The following ARID1B variants were observed in gnomAD, a reference collection of about 807,000 sequenced individuals.
ARID1B encodes AT-rich interaction domain 1B, also known as AT-rich interactive domain-containing protein 1B.
In ARID1B, 30 loss-of-function variants were observed where a neutral mutation model predicts 212.3. The observed-to-expected ratio is 0.14, with a 90% confidence interval of 0.11 to 0.19. ARID1B has a LOEUF of 0.19. Among genes scored for constraint, ARID1B ranks in the 10% least tolerant of loss-of-function variants. The pLI is 1.00. For synonymous variants in ARID1B, 1,402 were observed against 1,301.7 expected, an observed-to-expected ratio of 1.08 and a Z score of -1.66; for missense variants, 2,891 against 3,204.0, an observed-to-expected ratio of 0.90 and a Z score of 2.36.
intron 4 of ARID1B, among the ~76,000 whole-genome samples, chr6:156,966,383 T>TTC (rs1167174974): frequency 9.0e-5 from 8 of 88,490 alleles, no homozygotes; most frequent in African/African-American, 4.3e-4. Flanking sequence ...TTTCTTTTCT[T>TTC]TTCTTTTTTT....
At chr6:156,932,949 A>G (rs78477709) in intron 3 of ARID1B, among the ~76,000 whole-genome samples, 7,625 of 152,270 alleles carry the variant, frequency 0.05, 628 homozygotes, top group African/African-American at 0.17. Flanking sequence ...TAGGAATAGT[A>G]TTTGAGATTT....
chr6:157,048,823 A>G (rs1446610243), intron 4 of ARID1B, among the ~76,000 whole-genome samples: 5 of 152,224 alleles, frequency 3.3e-5, no homozygotes, highest in Non-Finnish European at 7.3e-5. Flanking sequence ...TAGCCACAGC[A>G]GAGCATCCAT....
At chr6:157,105,257 G>A (rs1786373230) in intron 5 of ARID1B, among the ~76,000 whole-genome samples, 1 of 152,052 alleles carries the variant, frequency 6.6e-6, no homozygotes, top group Non-Finnish European at 1.5e-5. Context: ...TTGGTGTAGA[G>A]AGAATAGCTT....
At chr6:157,022,130 A>T in intron 4 of ARID1B, among the ~76,000 whole-genome samples, 1 of 148,326 alleles carries the variant, frequency 6.7e-6, no homozygotes, top group East Asian at 2.0e-4. Flanking sequence ...GCCGCCAAGA[A>T]CAGGGCGGGG....
chr6:156,909,873 C>T (rs1172860659), intron 3 of ARID1B, among the ~76,000 whole-genome samples: 1 of 152,212 alleles, frequency 6.6e-6, no homozygotes, highest in Non-Finnish European at 1.5e-5. Flanking sequence ...AGCGAAGAGC[C>T]TCTAGGTGGT....
intron 4 of ARID1B, among the ~76,000 whole-genome samples, chr6:157,046,336 G>A (rs974660716): frequency 2.0e-5 from 3 of 152,184 alleles, no homozygotes; most frequent in African/African-American, 7.2e-5. Flanking sequence ...TGGCTGATGA[G>A]GAGTTACTTG....
intron 2 of ARID1B, among the ~76,000 whole-genome samples, chr6:156,871,366 G>C (rs1786113898): frequency 6.6e-6 from 1 of 152,216 alleles, no homozygotes; most frequent in African/African-American, 2.4e-5. Context: ...GAATGTTCTT[G>C]TTCACTTATG....
intron 4 of ARID1B, among the ~76,000 whole-genome samples, chr6:157,080,784 G>T (rs1050075553): frequency 6.6e-6 from 1 of 152,222 alleles, no homozygotes; most frequent in East Asian, 1.9e-4. Context: ...GTGGAAGGAT[G>T]ATGGTTACAG....
intron 9 of ARID1B, chr6:157,173,277 G>C (rs754656192): frequency 6.6e-6 from 1 of 152,176 alleles, no homozygotes; most frequent in African/African-American, 2.4e-5. Context: ...GAATTGATTG[G>C]ATTTCTGAGC....
intron 7 of ARID1B, among the ~76,000 whole-genome samples, chr6:157,139,613 G>T (rs1789191013): frequency 6.6e-6 from 1 of 151,878 alleles, no homozygotes; most frequent in South Asian, 2.1e-4. Context: ...AGACGCATTC[G>T]GTTCTTACCA....
Position 157,200,948 on chromosome 6 carries a change from C to T in ARID1B, c.4723C>T (p.Leu1575=), listed in dbSNP as rs761599931. The T allele has an allele frequency of 6.2e-7, 1 of 1,614,008 alleles. No homozygotes were observed. The highest frequency in any genetic ancestry group is 8.5e-7 in the Non-Finnish European group (1 of 1,179,986). ...GIPPQMMGGP[L]QSSSSEGPQQ... Reference sequence around the variant, plus strand: ...CCCGCCTCAGATGATGGGCGGCCCGCTGCAGTCGTCCTCCAGTGAGGGGCC... The same window carrying T: ...CCCGCCTCAGATGATGGGCGGCCCGTTGCAGTCGTCCTCCAGTGAGGGGCC... The change falls in exon 18 of 20, where the codon CTG becomes TTG. Residue 1575 remains leucine, a synonymous_variant. Transcript: ENST00000636930. The surrounding 1 kb of genome is among the most constrained non-coding windows in gnomAD (Gnocchi z 4.3).
At chr6:156,932,250 C>G (rs1317510788) in intron 3 of ARID1B, among the ~76,000 whole-genome samples, 1 of 151,864 alleles carries the variant, frequency 6.6e-6, no homozygotes, top group African/African-American at 2.4e-5. Context: ...GAGTCAGTTT[C>G]CCTTTAACCT....
chr6:156,796,620 C>T (rs1170326896), intron 1 of ARID1B, among the ~76,000 whole-genome samples: 1 of 152,142 alleles, frequency 6.6e-6, no homozygotes, highest in African/African-American at 2.4e-5. Context: ...GCTGAGAAAG[C>T]CCTAATAAAA....
intron 4 of ARID1B, among the ~76,000 whole-genome samples, chr6:156,978,747 A>G (rs1450666664): frequency 6.6e-6 from 1 of 152,190 alleles, no homozygotes; most frequent in Non-Finnish European, 1.5e-5. Context: ...AGAGAATATA[A>G]TTTGGGGTTT....
chr6:157,022,469 G>C (rs926778957), intron 4 of ARID1B: 3 of 152,190 alleles, frequency 2.0e-5, no homozygotes, highest in Admixed American at 6.5e-5. Flanking sequence ...TTTTCATCCT[G>C]TCTCTGCCAT....
intron 1 of ARID1B, among the ~76,000 whole-genome samples, chr6:156,818,533 A>T (rs766569682): frequency 6.6e-6 from 1 of 152,162 alleles, no homozygotes; most frequent in Admixed American, 6.5e-5. Context: ...CACACTAAAC[A>T]TCTTTTGAAT....
At chr6:156,960,898 AGT>A (rs1794327909) in intron 4 of ARID1B, among the ~76,000 whole-genome samples, 2 of 152,234 alleles carry the variant, frequency 1.3e-5, no homozygotes, top group South Asian at 4.1e-4. Flanking sequence ...AGTCCTAGGA[AGT>A]GTTTTCCTCT....
intron 5 of ARID1B, among the ~76,000 whole-genome samples, chr6:157,090,958 C>T (rs528764201): frequency 1.6e-4 from 25 of 152,268 alleles, no homozygotes; most frequent in South Asian, 2.1e-4. Flanking sequence ...CTGGGGTAGC[C>T]GCCTCCCGCC....
At chr6:157,199,206 G>GT (rs1427924515) in intron 17 of ARID1B, among the ~76,000 whole-genome samples, 1 of 152,166 alleles carries the variant, frequency 6.6e-6, no homozygotes, top group Non-Finnish European at 1.5e-5. Flanking sequence ...TTTTAAACAT[G>GT]TATCTATTGT....
Sources: allele counts gnomAD v4.1 joint callset (sites outside exome capture counted in the v4.1 genomes callset), GRCh38; gene constraint gnomAD v4.1.1; non-coding constraint Gnocchi (gnomAD v3.1); transcripts MANE v1.5; gene names NCBI Gene and HGNC (gene_info 2026-07-23, HGNC 2026-07-21).